The following CCNB1 variants were observed in gnomAD, a reference collection of about 807,000 sequenced individuals.
CCNB1 encodes cyclin B1.
CCNB1 carries 26 observed loss-of-function variants against 44.4 expected under a neutral mutation model. The observed-to-expected ratio is 0.59, with a 90% CI of 0.43 to 0.81. CCNB1 has a LOEUF of 0.81. CCNB1 is among the 40% of genes least tolerant of loss of function. The pLI, the probability that CCNB1 is intolerant of heterozygous loss-of-function variation, is 0.00. For missense variants in CCNB1, 477 were observed against 520.9 expected (o/e 0.92, Z 0.82); for synonymous variants, 195 against 181.4 (o/e 1.08, Z -0.60).
intron 7 of CCNB1, among the ~76,000 whole-genome samples, chr5:69,176,419 T>G (rs933220288): frequency 7.9e-5 from 12 of 151,728 alleles, no homozygotes; most frequent in Non-Finnish European, 2.9e-5. Flanking sequence ...AGCAGTGGCG[T>G]GATCTCGGCT....
At chr5:69,173,763 T>C (rs1324273102) in intron 4 of CCNB1, among the ~76,000 whole-genome samples, 1 of 151,772 alleles carries the variant, frequency 6.6e-6, no homozygotes, top group Non-Finnish European at 1.5e-5. Context: ...AATGTTTGCC[T>C]TTTTTTTCTT....
In CCNB1 at chr5:69,167,988, C is replaced by A; in HGVS notation, c.102C>A (p.Thr34=). The change falls in exon 2 of 9, where the codon ACC becomes ACA. Residue 34 remains threonine, a synonymous_variant. Transcript: ENST00000256442. ...AKRVPTAPAA[T]SKPGLRPRTA... The stretch of plus-strand genomic sequence containing the variant: ...GCGTTCCTACGGCCCCTGCTGCAAC[C>A]TCCAAGCCCGGACTGAGGCCAAGAA... The A allele has an allele frequency of 6.2e-7, 1 of 1,614,226 alleles. No individual in the cohort carries two copies. Among genetic ancestry groups the A allele is most frequent in the Non-Finnish European group, 8.5e-7 (1 of 1,180,032 alleles).
rs1379905817 is a variant in CCNB1 at position 69,168,320 on chromosome 5, A to G, written c.340A>G (p.Lys114Glu). The G allele has an allele frequency of 1.9e-6, 3 of 1,614,116 alleles. No individual in the cohort carries two copies. Among genetic ancestry groups the G allele is most frequent in the Admixed American group, 3.3e-5 (2 of 60,020 alleles). The change falls in exon 3 of 9, where the codon AAA (lysine) becomes GAA (glutamate). Residue 114 changes from lysine (K) to glutamate (E), a missense_variant. By Grantham distance (56) the Lys-to-Glu change is moderately conservative (BLOSUM62 1). Coordinates refer to ENST00000256442, the MANE Select transcript of CCNB1 (RefSeq NM_031966.4). ...EPEPEPVKEE[K>E]LSPEPILVDT... is the part of the protein sequence containing the mutation. ...AGAACCTGAGCCTGTTAAAGAAGAA[A>G]AACTTTCGCCTGAGCCTATTTTGGT... is the stretch of plus-strand genomic sequence containing the variant.
Position 69,167,184 on chromosome 5 carries a change from T to C in CCNB1, c.-79T>C, listed in dbSNP as rs1330320723. On this transcript the variant is annotated 5_prime_UTR_variant, in exon 1 of 9. Coordinates refer to ENST00000256442, the MANE Select transcript of CCNB1 (RefSeq NM_031966.4). ...CGGCGGAACGGCTGTTGGTTTCTGCTGGGTGTAGGTCCTTGGCTGGTCGGG... is the reference window on the plus strand; with the variant it reads ...CGGCGGAACGGCTGTTGGTTTCTGCCGGGTGTAGGTCCTTGGCTGGTCGGG... The C allele has an allele frequency of 5.5e-6, 7 of 1,262,602 alleles. No individual in the cohort carries two copies. Among genetic ancestry groups the C allele is most frequent in the Non-Finnish European group, 7.6e-6 (7 of 921,924 alleles). 78.2% of individuals were successfully genotyped at this position (1,262,602 alleles called of 1,614,324 possible). A position where few individuals can be genotyped will look rare whatever the true frequency, so the allele number is the denominator to read the frequency against.
chr5:69,175,609 T>A, intron 7 of CCNB1, 72 bp downstream of exon 7: 1 of 1,414,056 alleles, frequency 7.1e-7, no homozygotes, highest in Non-Finnish European at 9.8e-7. Flanking sequence ...CTTTTGTTAT[T>A]AAAAGGCAAT....
chr5:69,173,694 TGTG>T (rs1747512332), intron 4 of CCNB1, among the ~76,000 whole-genome samples: 1 of 152,144 alleles, frequency 6.6e-6, no homozygotes, highest in Non-Finnish European at 1.5e-5. Flanking sequence ...CAGCAGCAGT[TGTG>T]GTGAAGAATA....
intron 3 of CCNB1, among the ~76,000 whole-genome samples, chr5:69,168,891 CACTT>C (rs1229369275): frequency 6.6e-6 from 1 of 152,108 alleles, no homozygotes; most frequent in Non-Finnish European, 1.5e-5. Flanking sequence ...GATGAATTAA[CACTT>C]AGCCTCAAAA....
At chr5:69,175,627 G>A in intron 7 of CCNB1, 90 bp downstream of exon 7, 2 of 1,215,728 alleles carry the variant, frequency 1.6e-6, no homozygotes, top group Non-Finnish European at 2.3e-6. Context: ...AATTCAAGTG[G>A]TTCATAAATA....
chr5:69,177,061 T>C, intron 7 of CCNB1, 178 bp from the exon 8 acceptor site: 1 of 472,776 alleles, frequency 2.1e-6, no homozygotes, highest in South Asian at 3.7e-5. Context: ...CAATTAGGTT[T>C]GAGCAGAGGA....
In CCNB1 at chr5:69,177,289, A is replaced by C; in HGVS notation, c.1134A>C (p.Pro378=). ...CATATACTGAAGAATCTCTTCTTCC[A>C]GTTATGCAGCACCTGGCTAAGAATG... ...YLSYTEESLL[P]VMQHLAKNVV... is the part of the protein sequence containing the mutation. The change falls in exon 8 of 9, where the codon CCA becomes CCC. Residue 378 remains proline, a synonymous_variant. Transcript: ENST00000256442. The C allele has an allele frequency of 6.2e-7, 1 of 1,613,486 alleles. No homozygotes were observed. The highest frequency in any genetic ancestry group is 1.3e-5 in the African/African-American group (1 of 75,052).
At chr5:69,175,372 C>A in intron 6 of CCNB1, 25 bp from the exon 7 acceptor site, 1 of 1,604,148 alleles carries the variant, frequency 6.2e-7, no homozygotes, top group Non-Finnish European at 8.5e-7. Flanking sequence ...CTGAAAGAAA[C>A]TCAGTAACAT....
intron 3 of CCNB1, among the ~76,000 whole-genome samples, chr5:69,170,534 A>G (rs1747437155): frequency 6.6e-6 from 1 of 152,246 alleles, no homozygotes; most frequent in Non-Finnish European, 1.5e-5. Context: ...TATTTGGACT[A>G]ACTTCACATG....
At position 69,174,931 on chromosome 5, in the gene CCNB1, AT is replaced by A; in HGVS notation, c.762del (p.Ile254MetfsTer19). 2 of 1,614,178 alleles carry A rather than the reference AT, an allele frequency of 1.2e-6. No individual in the cohort carries two copies. Among genetic ancestry groups the A allele is most frequent in the Non-Finnish European group, 1.7e-6 (2 of 1,180,036 alleles). ...LQLVGVTAMF[I>X]ASKYEEMYPP... The stretch of plus-strand genomic sequence containing the variant: ...GCTGGTTGGTGTCACTGCCATGTTT[AT>A]TGCAAGCAAATATGAAGAAATGTAC... On this transcript the variant is annotated frameshift_variant, in exon 6 of 9. Coordinates refer to ENST00000256442, the MANE Select transcript of CCNB1 (RefSeq NM_031966.4). LOFTEE classifies it high-confidence loss of function.
rs770501273 is a variant in CCNB1, at chr5:69,167,939, A to G, written c.53A>G (p.Lys18Arg). ...NSKINAENKA[K>R]INMAGAKRVP... ...AAAATTAATGCTGAAAATAAGGCGA[A>G]GATCAACATGGCAGGCGCAAAGCGC... Residue 18 changes from lysine (K) to arginine (R), a missense_variant, in exon 2 of 9, where the codon AAG (lysine) becomes AGG (arginine). Lys to Arg is a conservative substitution (Grantham distance 26, BLOSUM62 2). Transcript: ENST00000256442. The G allele has an allele frequency of 5.0e-6, 8 of 1,611,800 alleles. No individual in the cohort carries two copies. Among genetic ancestry groups the G allele is most frequent in the Non-Finnish European group, 6.8e-6 (8 of 1,179,526 alleles).
In CCNB1 at chr5:69,177,545, A is replaced by C; in HGVS notation, c.1216A>C (p.Thr406Pro). The C allele has an allele frequency of 6.2e-7, 1 of 1,612,350 alleles. No homozygotes were observed. Among genetic ancestry groups the C allele is most frequent in the Non-Finnish European group, 8.5e-7 (1 of 1,178,590 alleles). Reference sequence around the variant, plus strand: ...CCAGACTGTCAAGAACAAGTATGCCACATCGAAGCATGCTAAGATCAGCAC... The same window carrying C: ...CCAGACTGTCAAGAACAAGTATGCCCCATCGAAGCATGCTAAGATCAGCAC... ...KHMTVKNKYA[T>P]SKHAKISTLP... is the part of the protein sequence containing the mutation. Residue 406 changes from threonine to proline, a missense_variant, in exon 9 of 9, where the codon ACA becomes CCA. Transcript: ENST00000256442.
chr5:69,169,316 G>A (rs927594502), intron 3 of CCNB1, among the ~76,000 whole-genome samples: 31 of 151,968 alleles, frequency 2.0e-4, no homozygotes, highest in Non-Finnish European at 3.5e-4. Flanking sequence ...CTCGGCCTCC[G>A]AAAGTGCTGG....
intron 5 of CCNB1, 118 bp downstream of exon 5, chr5:69,174,527 A>G: frequency 1.1e-6 from 1 of 931,938 alleles, no homozygotes; most frequent in Non-Finnish European, 1.6e-6. Context: ...GGGCGGGTGG[A>G]TCACAAGGTT....
intron 7 of CCNB1, among the ~76,000 whole-genome samples, chr5:69,176,573 T>A (rs1332880300): frequency 2.7e-5 from 4 of 150,544 alleles, no homozygotes; most frequent in Middle Eastern, 3.5e-3. Flanking sequence ...GGTTTCACCG[T>A]GTTAGCCAGG....
intron 1 of CCNB1, 78 bp downstream of exon 1, chr5:69,167,361 C>A (rs750780112): frequency 6.5e-7 from 1 of 1,544,410 alleles, no homozygotes; most frequent in Non-Finnish European, 8.9e-7. Context: ...GCGGGAGCCT[C>A]CCGAGCGGGA....
Sources: gnomAD v4.1 joint callset for allele counts (sites outside exome capture counted in the v4.1 genomes callset) on GRCh38, gnomAD v4.1.1 for gene constraint, MANE v1.5 for transcripts, NCBI Gene and HGNC (gene_info 2026-07-23, HGNC 2026-07-21) for gene names.